Variants in MAGI2 observed in about 807,000 individuals in gnomAD.
The protein encoded by MAGI2 is membrane-associated guanylate kinase, WW and PDZ domain-containing protein 2.
A neutral mutation model predicts 133.3 loss-of-function variants in MAGI2; 35 were observed. The observed-to-expected ratio is 0.26, with a 90% CI of 0.20 to 0.35. The LOEUF is 0.35. Ranked by LOEUF, MAGI2 falls within the 10% of genes least tolerant of loss-of-function variation. MAGI2 has a pLI of 1.00. For synonymous variants in MAGI2, 729 were observed against 710.6 expected, an observed-to-expected ratio of 1.03 and a Z score of -0.41; for missense variants, 1,636 against 1,863.4, an observed-to-expected ratio of 0.88 and a Z score of 2.25.
At chr7:78,732,092 A>T (rs1232011021) in intron 2 of MAGI2, among the ~76,000 whole-genome samples, 1 of 152,138 alleles carries the variant, frequency 6.6e-6, no homozygotes, top group Admixed American at 6.6e-5. Flanking sequence ...AAGAACAATA[A>T]AATCTTGAAG....
chr7:78,548,195 T>C (rs1434076876), intron 3 of MAGI2, among the ~76,000 whole-genome samples: 1 of 152,230 alleles, frequency 6.6e-6, no homozygotes, highest in Non-Finnish European at 1.5e-5. Context: ...GTTTTCAACA[T>C]TTCTAACGTT....
At chr7:79,102,502 C>T (rs2129543330) in intron 1 of MAGI2, among the ~76,000 whole-genome samples, 1 of 152,238 alleles carries the variant, frequency 6.6e-6, no homozygotes, top group Non-Finnish European at 1.5e-5. Flanking sequence ...TGAACTTTAG[C>T]ATCATTTAGA....
At chr7:78,530,243 AT>A (rs1797349083) in intron 3 of MAGI2, among the ~76,000 whole-genome samples, 1 of 150,912 alleles carries the variant, frequency 6.6e-6, no homozygotes, top group Non-Finnish European at 1.5e-5. Context: ...TGTCAATGAT[AT>A]TTCTCTTGTT....
chr7:79,440,956 A>G (rs1848459737), intron 1 of MAGI2, among the ~76,000 whole-genome samples: 1 of 152,202 alleles, frequency 6.6e-6, no homozygotes, highest in Non-Finnish European at 1.5e-5. Context: ...AGCAACTTTC[A>G]TAGGCAGAAA....
chr7:78,763,729 AAAT>A (rs2151304842), intron 2 of MAGI2, among the ~76,000 whole-genome samples: 2 of 137,518 alleles, frequency 1.5e-5, no homozygotes, highest in East Asian at 4.7e-4. Context: ...AAGTACAAAA[AAAT>A]AAGACATATA....
At chr7:79,299,727 C>A (rs1387977823) in intron 1 of MAGI2, among the ~76,000 whole-genome samples, 1 of 151,862 alleles carries the variant, frequency 6.6e-6, no homozygotes, top group African/African-American at 2.4e-5. Flanking sequence ...TTGTTCCCAC[C>A]CAAATCTCAT....
At chr7:79,041,013 A>C (rs1811611638) in intron 1 of MAGI2, among the ~76,000 whole-genome samples, 1 of 152,142 alleles carries the variant, frequency 6.6e-6, no homozygotes, top group South Asian at 2.1e-4. Flanking sequence ...AATAATGATA[A>C]ATTTTTGACG....
intron 2 of MAGI2, among the ~76,000 whole-genome samples, chr7:78,958,526 A>T (rs1407301854): frequency 6.6e-6 from 1 of 152,184 alleles, no homozygotes; most frequent in Non-Finnish European, 1.5e-5. Flanking sequence ...ATTTTTAGAC[A>T]TTATACCAGA....
rs910817252 is a variant in MAGI2, at chr7:78,454,218, GGTTTT to G, written c.1045+35538_1045+35542del. ...GATCAACATACCTCAAGGTGTTTTT[GGTTTT>G]GTTTTGATTTTTATTAGCATTTGCA... On this transcript the variant is annotated intron_variant, in intron 6 of 21. Transcript: ENST00000354212. 7.4e-4 allele frequency among the ~76,000 whole-genome samples: 113 copies of G among 152,030 alleles called. 1 individual carries two copies. The highest frequency in any genetic ancestry group is 1.4e-3 in the Non-Finnish European group (92 of 67,994).
At chr7:78,204,318 G>A (rs907364417) in intron 10 of MAGI2, among the ~76,000 whole-genome samples, 4 of 152,104 alleles carry the variant, frequency 2.6e-5, no homozygotes, top group Non-Finnish European at 4.4e-5. Context: ...CTCGCTTGGC[G>A]TCCTAGCCTT....
chr7:78,234,783 C>G (rs964702401), intron 10 of MAGI2, among the ~76,000 whole-genome samples: 14 of 152,088 alleles, frequency 9.2e-5, no homozygotes, highest in African/African-American at 2.9e-4. Context: ...GGCTTCACGG[C>G]AAGATTTTCA....
At chr7:78,486,454 C>T (rs1012906518) in intron 6 of MAGI2, 10 of 169,050 alleles carry the variant, frequency 5.9e-5, no homozygotes, top group South Asian at 1.6e-4. Flanking sequence ...TACACATTTT[C>T]GAGTAGTTGA....
intron 16 of MAGI2, among the ~76,000 whole-genome samples, chr7:78,148,453 G>A (rs1241679147): frequency 6.6e-6 from 1 of 152,050 alleles, no homozygotes; most frequent in East Asian, 1.9e-4. Flanking sequence ...GACTAAAAAG[G>A]GTAAACTTTA....
At chr7:78,976,988 G>A (rs1174068984) in intron 2 of MAGI2, among the ~76,000 whole-genome samples, 1 of 151,554 alleles carries the variant, frequency 6.6e-6, no homozygotes, top group Admixed American at 6.6e-5. Context: ...ATAGATTAAA[G>A]GACTCAATAT....
At chr7:78,820,211 C>T (rs759965207) in intron 2 of MAGI2, among the ~76,000 whole-genome samples, 11 of 151,878 alleles carry the variant, frequency 7.2e-5, no homozygotes, top group Non-Finnish European at 1.3e-4. Flanking sequence ...TCTTTCAATT[C>T]TCATTGGGTA....
chr7:79,149,670 A>T lies in MAGI2; in HGVS notation c.302-142464T>A, dbSNP rs141067557. Among the ~76,000 whole-genome samples, 228 of 152,238 alleles carry T rather than the reference A, an allele frequency of 1.5e-3. 1 individual carries two copies. The highest frequency in any genetic ancestry group is 4.1e-3 in the South Asian group (20 of 4,822). On this transcript the variant is annotated intron_variant, in intron 1 of 21. Transcript: ENST00000354212. The stretch of plus-strand genomic sequence containing the variant: ...CTATCTTTCTACTACTGGCAAACAC[A>T]TTTCCAGCCAAGATCCAGGGAACCT...
chr7:78,862,181 T>G (rs1794203364), intron 2 of MAGI2, among the ~76,000 whole-genome samples: 1 of 152,196 alleles, frequency 6.6e-6, no homozygotes, highest in South Asian at 2.1e-4. Flanking sequence ...AGAGAAAGGT[T>G]TTCTTTAATA....
chr7:78,216,074 A>G (rs766372117), intron 10 of MAGI2, among the ~76,000 whole-genome samples: 2 of 152,256 alleles, frequency 1.3e-5, no homozygotes, highest in Non-Finnish European at 2.9e-5. Flanking sequence ...AAGAGTGTCA[A>G]TACCTAGTCC....
chr7:78,497,565 AC>A (rs1247357895), intron 5 of MAGI2, among the ~76,000 whole-genome samples: 1 of 152,180 alleles, frequency 6.6e-6, no homozygotes, highest in African/African-American at 2.4e-5. Context: ...TATCACATAA[AC>A]CAATAAATAT....
Sources: allele counts gnomAD v4.1 joint callset (sites outside exome capture counted in the v4.1 genomes callset), GRCh38; gene constraint gnomAD v4.1.1; transcripts MANE v1.5; gene names NCBI Gene and HGNC (gene_info 2026-07-23, HGNC 2026-07-21).